The following FRMD6 variants were observed in gnomAD, a reference collection of about 807,000 sequenced individuals.
FRMD6 encodes FERM domain containing 6.
A neutral mutation model predicts 73.2 loss-of-function variants in FRMD6; 37 were observed. The observed-to-expected ratio is 0.51, with a 90% confidence interval of 0.39 to 0.66. The LOEUF is 0.66. FRMD6 is among the 30% of genes least tolerant of loss of function. FRMD6 has a pLI of 0.00. For missense variants in FRMD6, 714 were observed against 780.5 expected (o/e 0.91, Z 1.02); for synonymous variants, 273 against 282.2 (o/e 0.97, Z 0.33).
intron 2 of FRMD6, among the ~76,000 whole-genome samples, chr14:51,599,463 A>G (rs1238389052): frequency 4.6e-5 from 7 of 152,212 alleles, no homozygotes; most frequent in African/African-American, 1.7e-4. Context: ...TCTCAAAAGC[A>G]ATTGCAACAA....
chr14:51,417,893 C>T, the FRMD6 span, among the ~76,000 whole-genome samples: 1 of 152,060 alleles, frequency 6.6e-6, no homozygotes, highest in Admixed American at 6.6e-5. Flanking sequence ...CACTTTATTT[C>T]ATTAATTTGA....
At chr14:51,575,065 C>T (rs2139617032) in intron 2 of FRMD6, among the ~76,000 whole-genome samples, 1 of 152,238 alleles carries the variant, frequency 6.6e-6, no homozygotes, top group South Asian at 2.1e-4. Flanking sequence ...TTTTTTATCA[C>T]AGCATGGAGC....
the FRMD6 span, among the ~76,000 whole-genome samples, chr14:51,466,979 T>A: frequency 4.6e-5 from 7 of 151,606 alleles, no homozygotes; most frequent in South Asian, 2.1e-4. Flanking sequence ...TTTTTTTTTT[T>A]AATACTTATT....
chr14:51,525,323 C>A (rs905897897), intron 1 of FRMD6, among the ~76,000 whole-genome samples: 1 of 151,878 alleles, frequency 6.6e-6, no homozygotes, highest in Admixed American at 6.6e-5. Flanking sequence ...GGCTGGAGTG[C>A]AGTAGCGAGG....
chr14:51,454,065 G>A, the FRMD6 span, among the ~76,000 whole-genome samples: 23 of 152,206 alleles, frequency 1.5e-4, no homozygotes, highest in South Asian at 2.9e-3. Context: ...CCGATGCCCC[G>A]CCAGCAGCCA....
At chr14:51,446,940 G>C in the FRMD6 span, among the ~76,000 whole-genome samples, 1 of 152,152 alleles carries the variant, frequency 6.6e-6, no homozygotes, top group Non-Finnish European at 1.5e-5. Context: ...GGAGAGCTTG[G>C]GCAGGATGGG....
At chr14:51,654,400 T>G (rs374663931) in intron 1 of FRMD6, among the ~76,000 whole-genome samples, 11 of 152,106 alleles carry the variant, frequency 7.2e-5, no homozygotes, top group African/African-American at 2.7e-4. Flanking sequence ...TGTAATAGAC[T>G]GCGTAGCCTT....
chr14:51,515,590 T>G (rs956608250), intron 1 of FRMD6, among the ~76,000 whole-genome samples: 9 of 152,206 alleles, frequency 5.9e-5, no homozygotes, highest in African/African-American at 2.2e-4. Flanking sequence ...CCACCTGTCT[T>G]GCCCCTTGAT....
chr14:51,438,722 G>A, the FRMD6 span, among the ~76,000 whole-genome samples: 3 of 152,300 alleles, frequency 2.0e-5, no homozygotes, highest in South Asian at 6.2e-4. Context: ...TTCTCAGAAC[G>A]TTGTGCCCTT....
At chr14:51,715,274 G>A (rs2140560552) in intron 9 of FRMD6, 51 bp from the exon 10 acceptor site, 1 of 1,384,844 alleles carries the variant, frequency 7.2e-7, no homozygotes, top group East Asian at 2.5e-5. Flanking sequence ...GGGGACTTTG[G>A]CAAATCAGAG....
the FRMD6 span, among the ~76,000 whole-genome samples, chr14:51,435,813 A>G: frequency 6.6e-6 from 1 of 152,202 alleles, no homozygotes; most frequent in South Asian, 2.1e-4. Context: ...TCTCAACACA[A>G]AAAATGTTTG....
At chr14:51,527,368 G>T (rs1268348914) in intron 1 of FRMD6, among the ~76,000 whole-genome samples, 2 of 152,246 alleles carry the variant, frequency 1.3e-5, no homozygotes, top group South Asian at 4.1e-4. Context: ...TGAATAAACT[G>T]AGGACGGGAA....
chr14:51,636,442 T>A (rs76360469), intron 2 of FRMD6, among the ~76,000 whole-genome samples: 11,388 of 152,162 alleles, frequency 0.075, 636 homozygotes, highest in East Asian at 0.16. Flanking sequence ...TGCCGTAAAG[T>A]TCTATTCCTT....
chr14:51,473,126 G>A, the FRMD6 span, among the ~76,000 whole-genome samples: 4 of 152,118 alleles, frequency 2.6e-5, no homozygotes, highest in Admixed American at 2.0e-4. Context: ...TGCCCCTGCC[G>A]GTCCTGCTGC....
the FRMD6 span, among the ~76,000 whole-genome samples, chr14:51,421,272 A>G: frequency 6.6e-6 from 1 of 152,212 alleles, no homozygotes; most frequent in Admixed American, 6.5e-5. Flanking sequence ...AGGGTTCAGG[A>G]ATCTGAGGAT....
intron 2 of FRMD6, among the ~76,000 whole-genome samples, chr14:51,691,698 G>A (rs555085420): frequency 3.4e-4 from 48 of 143,240 alleles, no homozygotes; most frequent in South Asian, 1.8e-3. Flanking sequence ...AGCTTCAAGC[G>A]ATTCTCCTGC....
chr14:51,482,551 G>A, the FRMD6 span, among the ~76,000 whole-genome samples: 17 of 152,176 alleles, frequency 1.1e-4, no homozygotes, highest in Non-Finnish European at 2.4e-4. Context: ...CGGGAATAGT[G>A]AAATTCAGGA....
At chr14:51,724,872 C>A (rs1897860630) in intron 12 of FRMD6, among the ~76,000 whole-genome samples, 1 of 152,086 alleles carries the variant, frequency 6.6e-6, no homozygotes, top group African/African-American at 2.4e-5. Context: ...CCTTCTGAGA[C>A]ATGTTTCTAC....
intron 1 of FRMD6, among the ~76,000 whole-genome samples, chr14:51,531,394 A>C (rs1885575583): frequency 6.6e-6 from 1 of 152,204 alleles, no homozygotes; most frequent in Admixed American, 6.5e-5. Flanking sequence ...AAGATAACTG[A>C]CCATTATTTT....
Sources: allele counts gnomAD v4.1 joint callset (sites outside exome capture counted in the v4.1 genomes callset), GRCh38; gene constraint gnomAD v4.1.1; transcripts MANE v1.5; gene names NCBI Gene and HGNC (gene_info 2026-07-23, HGNC 2026-07-21).